The following MSH4 variants were observed in gnomAD, a reference collection of about 807,000 sequenced individuals.
The protein encoded by MSH4 is mutS protein homolog 4.
A neutral mutation model predicts 113.7 loss-of-function variants in MSH4; 106 were observed. The observed-to-expected ratio is 0.93, with a 90% CI of 0.80 to 1.10. The LOEUF is 1.10. MSH4 is among the 50% of genes least tolerant of loss of function. The probability of loss-of-function intolerance (pLI) is 0.00; values close to 1 mark genes in which losing one functional copy is unlikely to be tolerated. For missense variants in MSH4, 1,061 were observed against 1,093.7 expected, an observed-to-expected ratio of 0.97 and a Z score of 0.42; for synonymous variants, 368 against 380.2, an observed-to-expected ratio of 0.97 and a Z score of 0.37.
chr1:75,883,396 C>T (rs1172201306), intron 14 of MSH4, among the ~76,000 whole-genome samples: 2 of 151,746 alleles, frequency 1.3e-5, no homozygotes, highest in African/African-American at 4.8e-5. Context: ...GAACTAAATT[C>T]TAGAGTTCTC....
intron 7 of MSH4, 22 bp from the exon 8 acceptor site, chr1:75,848,187 C>T: frequency 6.6e-7 from 1 of 1,521,150 alleles, no homozygotes; most frequent in African/African-American, 1.4e-5. Context: ...TTTAAATACT[C>T]ACATTTGTTT....
intron 8 of MSH4, among the ~76,000 whole-genome samples, chr1:75,861,965 A>G (rs114465749): frequency 0.054 from 8,166 of 152,104 alleles, 370 homozygotes; most frequent in African/African-American, 0.12. Context: ...CACTGTGTGT[A>G]TAGAACCACC....
intron 15 of MSH4, among the ~76,000 whole-genome samples, chr1:75,887,521 C>T (rs1243212189): frequency 3.3e-5 from 5 of 152,004 alleles, no homozygotes; most frequent in African/African-American, 9.7e-5. Flanking sequence ...CATGATAATA[C>T]GCATTTCACG....
chr1:75,885,507 C>T (rs368308578), intron 15 of MSH4, among the ~76,000 whole-genome samples: 7 of 79,430 alleles, frequency 8.8e-5, no homozygotes, highest in South Asian at 3.6e-4. Flanking sequence ...TATATATATA[C>T]ATATAACCTT....
At chr1:75,887,666 G>A (rs1045818848) in intron 15 of MSH4, among the ~76,000 whole-genome samples, 2 of 152,252 alleles carry the variant, frequency 1.3e-5, no homozygotes, top group East Asian at 3.9e-4. Flanking sequence ...TAGTTTGTAA[G>A]AGGCAGCACA....
rs5745531 is a variant in MSH4, at chr1:75,896,731, A to G, written c.2356-1176A>G. Among the ~76,000 whole-genome samples the G allele has an allele frequency of 3.6e-3, 543 of 152,282 alleles. 7 individuals carry two copies. The highest frequency in any genetic ancestry group is 5.6e-3 in the Non-Finnish European group (381 of 68,018). On this transcript the variant is annotated intron_variant, in intron 17 of 19. Coordinates refer to ENST00000263187, the MANE Select transcript of MSH4 (RefSeq NM_002440.4). ...GTGCCTAGCACAATTCTTGCAACAG[A>G]TAGGGTCTGAATAATTATTTGCTAA...
chr1:75,801,016 C>T (rs1430460260), intron 1 of MSH4, among the ~76,000 whole-genome samples: 1 of 152,054 alleles, frequency 6.6e-6, no homozygotes. Context: ...TTGAACAATG[C>T]AGGTATAGAG....
intron 19 of MSH4, among the ~76,000 whole-genome samples, chr1:75,906,898 A>G (rs1449061936): frequency 6.8e-6 from 1 of 146,374 alleles, no homozygotes; most frequent in Admixed American, 7.0e-5. Context: ...CAGTGGCGCG[A>G]TCTTGGCTCA....
chr1:75,894,561 A>G (rs554828253), intron 17 of MSH4, among the ~76,000 whole-genome samples: 5 of 152,320 alleles, frequency 3.3e-5, no homozygotes, highest in African/African-American at 1.2e-4. Context: ...TTATATTCAT[A>G]TTGGAACAGA....
intron 12 of MSH4, among the ~76,000 whole-genome samples, chr1:75,879,346 G>C (rs1401258408): frequency 6.6e-6 from 1 of 151,904 alleles, no homozygotes; most frequent in South Asian, 2.1e-4. Flanking sequence ...CTGGGAGCTT[G>C]GTGTAAGAAA....
chr1:75,840,047 A>G (rs1399065881), intron 7 of MSH4, among the ~76,000 whole-genome samples: 1 of 151,750 alleles, frequency 6.6e-6, no homozygotes, highest in African/African-American at 2.4e-5. Context: ...GTGGAGAAAC[A>G]GGAACACTTT....
Position 75,883,780 on chromosome 1 carries a change from A to T in MSH4, c.2066A>T (p.Tyr689Phe). Residue 689 changes from tyrosine to phenylalanine, a missense_variant, in exon 15 of 20, where the codon TAT becomes TTT. Physicochemically the swap from Tyr to Phe is conservative, Grantham distance 22. Coordinates refer to ENST00000263187, the MANE Select transcript of MSH4 (RefSeq NM_002440.4). ...TGPNMSGKST[Y>F]LKQIALCQIM... is the part of the protein sequence containing the mutation. ...CCAAACATGAGTGGAAAATCCACAT[A>T]TTTAAAACAGATTGCTCTTTGTCAG... The T allele has an allele frequency of 6.2e-7, 1 of 1,613,140 alleles. No homozygotes were observed. The highest frequency in any genetic ancestry group is 2.2e-5 in the East Asian group (1 of 44,744).
At chr1:75,841,174 TC>T (rs1650951790) in intron 7 of MSH4, among the ~76,000 whole-genome samples, 3 of 94,202 alleles carry the variant, frequency 3.2e-5, no homozygotes, top group East Asian at 3.1e-4. Context: ...CCTCCCTCCC[TC>T]CCTCCCGCTT....
At chr1:75,853,330 A>G (rs6682057) in intron 8 of MSH4, among the ~76,000 whole-genome samples, 146,631 of 152,234 alleles carry the variant, frequency 0.96, 70,864 homozygotes, top group East Asian at 1. Flanking sequence ...CTCCCAAAGT[A>G]CTGGGGTTAC....
chr1:75,862,364 G>A lies in MSH4; in HGVS notation c.1231-5150G>A, dbSNP rs185189728. On this transcript the variant is annotated intron_variant, in intron 8 of 19. Coordinates refer to ENST00000263187, the MANE Select transcript of MSH4 (RefSeq NM_002440.4). ...AATGCAGTAATCACCCATCTTCTGC[G>A]TCAATCTCGCTGGAAGCTGTAGACT... Among the ~76,000 whole-genome samples, 481 of 152,258 alleles carry A rather than the reference G, an allele frequency of 3.2e-3. 1 individual carries two copies. Among genetic ancestry groups the A allele is most frequent in the African/African-American group, 0.011 (447 of 41,546 alleles).
intron 15 of MSH4, among the ~76,000 whole-genome samples, chr1:75,884,988 T>TAC (rs1652031701): frequency 6.8e-6 from 1 of 146,498 alleles, no homozygotes; most frequent in Non-Finnish European, 1.5e-5. Flanking sequence ...TGTATATATA[T>TAC]GTGTATATAT....
Position 75,797,116 on chromosome 1 carries a change from C to G in MSH4, c.131C>G (p.Ser44Trp), listed in dbSNP as rs766799660. The G allele has an allele frequency of 2.5e-6, 4 of 1,613,990 alleles. No homozygotes were observed. The highest frequency in any genetic ancestry group is 3.4e-6 in the Non-Finnish European group (4 of 1,179,918). Residue 44 changes from serine to tryptophan, a missense_variant, in exon 1 of 20, where the codon TCG (serine) becomes TGG (tryptophan). Ser to Trp is a radical substitution (Grantham distance 177). Coordinates refer to ENST00000263187, the MANE Select transcript of MSH4 (RefSeq NM_002440.4). ...GLQETPQSRP[S>W]VQVVSASTCP... ...CAGGAGACTCCACAGAGCCGCCCTT[C>G]GGTCCAGGTGGTCTCTGCATCCACC...
chr1:75,883,832 G>C lies in MSH4; in HGVS notation c.2107+11G>C. ...TTATGGCCCAGATTGGTAAGTTATG[G>C]CTTTATTTATAATGACCAGTTTTAC... On this transcript the variant is annotated intron_variant, in intron 15 of 19. Transcript: ENST00000263187. The C allele has an allele frequency of 5.0e-6, 8 of 1,603,586 alleles. No individual in the cohort carries two copies. Among genetic ancestry groups the C allele is most frequent in the Non-Finnish European group, 6.8e-6 (8 of 1,175,238 alleles).
At chr1:75,848,699 A>G (rs1651127764) in intron 8 of MSH4, among the ~76,000 whole-genome samples, 1 of 152,098 alleles carries the variant, frequency 6.6e-6, no homozygotes, top group Non-Finnish European at 1.5e-5. Context: ...TGTTCGCATC[A>G]CTGCACTCCA....
Sources: gnomAD v4.1 joint callset for allele counts (sites outside exome capture counted in the v4.1 genomes callset) on GRCh38, gnomAD v4.1.1 for gene constraint, MANE v1.5 for transcripts, NCBI Gene and HGNC (gene_info 2026-07-23, HGNC 2026-07-21) for gene names.